EP300: variants seen among roughly 807,000 people sequenced by gnomAD.
EP300 encodes the protein EP300 lysine acetyltransferase.
EP300 carries 31 observed loss-of-function variants against 264.0 expected under a neutral mutation model. The ratio of observed to expected loss-of-function variants is 0.12; its 90% CI spans 0.09 to 0.16. The LOEUF (loss-of-function observed/expected upper bound fraction) is 0.16. EP300 is among the 10% of genes least tolerant of loss of function. The pLI is 1.00. For missense variants in EP300, 2,766 were observed against 3,052.9 expected (o/e 0.91, Z 2.21); for synonymous variants, 1,340 against 1,045.4 (o/e 1.28, Z -5.44).
At chr22:41,175,966 TC>T in intron 29 of EP300, 1 of 469,472 alleles carries the variant, frequency 2.1e-6, no homozygotes, top group Non-Finnish European at 3.9e-6. Flanking sequence ...ACACCTGTAA[TC>T]CCAGCACTCT....
Position 41,146,794 on chromosome 22 carries a change from G to A in EP300, c.2109G>A (p.Met703Ile), listed in dbSNP as rs2145732439. The A allele has an allele frequency of 6.2e-7, 1 of 1,614,066 alleles. No homozygotes were observed. The highest frequency in any genetic ancestry group is 1.7e-5 in the Admixed American group (1 of 60,002). Reference sequence around the variant, plus strand: ...GTGGCAGTGTGCCAAACCAGATGATGCCTCGAATAACTCCACAATCTGGTA... The same window carrying A: ...GTGGCAGTGTGCCAAACCAGATGATACCTCGAATAACTCCACAATCTGGTA... ...MIRGSVPNQM[M>I]PRITPQSGLN... Residue 703 changes from methionine (M) to isoleucine (I), a missense_variant, in exon 11 of 31, where the codon ATG becomes ATA. Met to Ile is a conservative substitution (Grantham distance 10, BLOSUM62 1). Coordinates refer to ENST00000263253, the MANE Select transcript of EP300 (RefSeq NM_001429.4).
At chr22:41,116,633 A>G (rs560382842) in intron 1 of EP300, among the ~76,000 whole-genome samples, 2 of 152,150 alleles carry the variant, frequency 1.3e-5, no homozygotes, top group South Asian at 2.1e-4. Flanking sequence ...TGTACTTTCA[A>G]TCCCTTTTTT....
At chr22:41,099,572 G>T (rs542803790) in intron 1 of EP300, among the ~76,000 whole-genome samples, 2 of 152,114 alleles carry the variant, frequency 1.3e-5, no homozygotes, top group Admixed American at 1.3e-4. Flanking sequence ...AAACTATCAC[G>T]AATTTTTTTC....
At chr22:41,125,743 A>G in intron 2 of EP300, 121 bp from the exon 3 acceptor site, 1 of 1,095,288 alleles carries the variant, frequency 9.1e-7, no homozygotes, top group Non-Finnish European at 1.3e-6. Context: ...TGTCTTTTCT[A>G]ATAGAAGCTG....
intron 8 of EP300, among the ~76,000 whole-genome samples, chr22:41,138,495 A>C (rs554557345): frequency 6.6e-6 from 1 of 152,238 alleles, no homozygotes; most frequent in Admixed American, 6.5e-5. Context: ...AAAATCTGGT[A>C]GGGTGGACTC....
intron 19 of EP300, chr22:41,160,419 C>CAAAA: frequency 2.1e-5 from 8 of 377,064 alleles, no homozygotes; most frequent in South Asian, 8.9e-5. Flanking sequence ...GCTTTGATTG[C>CAAAA]AAAAAAAAAA....
intron 28 of EP300, 50 bp from the exon 29 acceptor site, chr22:41,173,573 A>C (rs2059183004): frequency 5.6e-6 from 9 of 1,601,022 alleles, no homozygotes; most frequent in African/African-American, 1.3e-5. Context: ...CTATTCCCAA[A>C]TTACTTAACA....
chr22:41,160,284 G>A (rs1487639207), intron 19 of EP300: 2 of 306,404 alleles, frequency 6.5e-6, no homozygotes, highest in African/African-American at 4.4e-5. Flanking sequence ...TCTGTGCTTT[G>A]CCTTGGCTTT....
At chr22:41,120,855 A>AG (rs2058848380) in intron 2 of EP300, among the ~76,000 whole-genome samples, 1 of 152,186 alleles carries the variant, frequency 6.6e-6, no homozygotes, top group Non-Finnish European at 1.5e-5. Context: ...AGTAGCTAGT[A>AG]CTACAAGGAC....
chr22:41,170,312 G>A, intron 26 of EP300, 94 bp from the exon 27 acceptor site: 1 of 1,206,914 alleles, frequency 8.3e-7, no homozygotes, highest in South Asian at 1.3e-5. Flanking sequence ...AAAAATTATT[G>A]GTATCTATAT....
At chr22:41,154,211 A>C (rs1263704523) in intron 16 of EP300, among the ~76,000 whole-genome samples, 1 of 152,042 alleles carries the variant, frequency 6.6e-6, no homozygotes, top group Admixed American at 6.6e-5. Context: ...AATACCAAGC[A>C]TTTGAACGAA....
intron 27 of EP300, among the ~76,000 whole-genome samples, 167 bp downstream of exon 27, chr22:41,170,738 T>G (rs2059165161): frequency 6.9e-6 from 1 of 144,578 alleles, no homozygotes; most frequent in South Asian, 2.3e-4. Flanking sequence ...TTTGGCTCAC[T>G]TCAAGCTCCG....
intron 10 of EP300, among the ~76,000 whole-genome samples, chr22:41,141,665 CT>C (rs77123676): frequency 0.082 from 11,962 of 146,072 alleles, 576 homozygotes; most frequent in Non-Finnish European, 0.1. Flanking sequence ...TCTAGGAACT[CT>C]TTTTTTTTTT....
intron 1 of EP300, among the ~76,000 whole-genome samples, chr22:41,105,241 G>T (rs1244763735): frequency 7.0e-4 from 102 of 145,180 alleles, no homozygotes; most frequent in African/African-American, 2.5e-3. Context: ...GGTGGCAGGC[G>T]CCTGTAGTCC....
chr22:41,100,189 GA>G, intron 1 of EP300, among the ~76,000 whole-genome samples: 1 of 152,302 alleles, frequency 6.6e-6, no homozygotes, highest in South Asian at 2.1e-4. Flanking sequence ...GAGCTATGAT[GA>G]CACCACTGTA....
chr22:41,128,812 A>T (rs1189163763), intron 4 of EP300, among the ~76,000 whole-genome samples: 1 of 152,032 alleles, frequency 6.6e-6, no homozygotes, highest in Non-Finnish European at 1.5e-5. Context: ...CGCTTGGCCA[A>T]TATGTGCAAT....
At chr22:41,174,714 G>C (rs921899403) in intron 29 of EP300, 2 of 151,984 alleles carry the variant, frequency 1.3e-5, no homozygotes, top group Non-Finnish European at 2.9e-5. Context: ...TACTATCTCG[G>C]TTCTCAGACA....
chr22:41,125,217 C>T (rs1433679046), intron 2 of EP300, among the ~76,000 whole-genome samples: 1 of 146,920 alleles, frequency 6.8e-6, no homozygotes, highest in Non-Finnish European at 1.5e-5. Flanking sequence ...CTCCCGGGTT[C>T]ACTCCATTCT....
intron 22 of EP300, among the ~76,000 whole-genome samples, chr22:41,166,326 C>G (rs2059133987): frequency 2.0e-5 from 3 of 152,208 alleles, no homozygotes; most frequent in African/African-American, 4.8e-5. Flanking sequence ...ATCACATTAG[C>G]AAAACCTATC....
Sources: allele counts gnomAD v4.1 joint callset (sites outside exome capture counted in the v4.1 genomes callset), GRCh38; gene constraint gnomAD v4.1.1; transcripts MANE v1.5; gene names NCBI Gene and HGNC (gene_info 2026-07-23, HGNC 2026-07-21).